The following MDM1 variants were observed in gnomAD, a reference collection of about 807,000 sequenced individuals.
MDM1 encodes Mdm1 nuclear protein.
Under a neutral mutation model 89.1 loss-of-function variants are expected in MDM1, and 61 were observed. That is an observed-to-expected ratio of 0.68 (90% CI 0.56 to 0.85). The LOEUF is 0.85. Ranked by LOEUF, MDM1 falls within the 40% of genes least tolerant of loss-of-function variation. MDM1 has a pLI of 0.00. For synonymous variants in MDM1, 290 were observed against 294.1 expected (o/e 0.99, Z 0.14); for missense variants, 820 against 846.5 (o/e 0.97, Z 0.39).
intron 12 of MDM1, among the ~76,000 whole-genome samples, chr12:68,304,673 A>T (rs960756538): frequency 3.3e-5 from 5 of 152,160 alleles, no homozygotes; most frequent in Non-Finnish European, 7.3e-5. Context: ...CCGGAAAGAA[A>T]CCTGTAAAAT....
At chr12:68,315,666 C>G (rs1356629495) in intron 9 of MDM1, among the ~76,000 whole-genome samples, 1 of 152,182 alleles carries the variant, frequency 6.6e-6, no homozygotes, top group Non-Finnish European at 1.5e-5. Context: ...GCAGAGCGCT[C>G]TTCCATAAAA....
chr12:68,323,192 C>A lies in MDM1; in HGVS notation c.682G>T (p.Val228Phe). 6.2e-7 allele frequency: 1 copy of A among 1,608,254 alleles called. No homozygotes were observed. The highest frequency in any genetic ancestry group is 1.1e-5 in the South Asian group (1 of 89,540). Residue 228 changes from valine (V) to phenylalanine (F), a missense_variant, in exon 5 of 15, where the codon GTC (valine) becomes TTC (phenylalanine). Transcript: ENST00000682720. ...QFVPPFKGNS[V>F]IHETEYKRNF... ...CTTTTGTATTCAGTTTCATGGATGA[C>A]TGAGTTACCTTTGAATGGTGGAACA...
In MDM1 at chr12:68,332,209, C is replaced by T. The variant is rs775017084; in HGVS notation, c.18+19G>A. The stretch of plus-strand genomic sequence containing the variant: ...TGGCTCCCCCCAGCCACATTCCGGC[C>T]CGGGGACCCCAGCCTCACCTTGAAG... On this transcript the variant is annotated intron_variant, in intron 1 of 14. Coordinates refer to ENST00000682720, the MANE Select transcript of MDM1 (RefSeq NM_001354969.2). 7 of 1,555,154 alleles carry T rather than the reference C, an allele frequency of 4.5e-6. No individual in the cohort carries two copies. The Admixed American group carries it at 1.3e-4, about 30-fold the overall frequency.
Position 68,325,493 on chromosome 12 carries a change from T to C in MDM1, c.581A>G (p.Gln194Arg). The change falls in exon 4 of 15, where the codon CAG becomes CGG. Residue 194 changes from glutamine to arginine, a missense_variant. Physicochemically the swap from Gln to Arg is conservative, Grantham distance 43. Transcript: ENST00000682720. ...TTCTTTAGAAGTCTTCCAAACAAAC[T>C]GCCTTTGATATTCAGAATTTCTCAA... ...NALRNSEYQRQFVWKTSKETA... is the reference protein window; with the variant it reads ...NALRNSEYQRRFVWKTSKETA... 6.3e-7 allele frequency: 1 copy of C among 1,598,754 alleles called. No individual in the cohort carries two copies. The highest frequency in any genetic ancestry group is 1.3e-5 in the African/African-American group (1 of 74,566).
At chr12:68,302,989 AATTT>A in intron 12 of MDM1, 117 bp from the exon 13 acceptor site, 34 of 805,966 alleles carry the variant, frequency 4.2e-5, no homozygotes, top group East Asian at 8.4e-5. Flanking sequence ...AATATGAGAG[AATTT>A]ATGCAACATC....
At position 68,295,331 on chromosome 12, in the gene MDM1, C is replaced by T; in HGVS notation, c.2098G>A (p.Ala700Thr). ...DRLSEISARS[A>T]ASSLRAFQTL... The stretch of plus-strand genomic sequence containing the variant: ...TGAAAAGCCCGGAGACTAGAAGCTG[C>T]AGAGCGAGCAGAAATCTCAGACAAT... The change falls in exon 15 of 15, where the codon GCA becomes ACA. Residue 700 changes from alanine to threonine, a missense_variant. Physicochemically the swap from Ala to Thr is moderately conservative, Grantham distance 58. Transcript: ENST00000682720. 1.2e-6 allele frequency: 2 copies of T among 1,612,858 alleles called. No homozygotes were observed. Among genetic ancestry groups the T allele is most frequent in the Non-Finnish European group, 1.7e-6 (2 of 1,179,408 alleles).
At chr12:68,330,978 G>A in intron 2 of MDM1, 129 bp downstream of exon 2, 1 of 644,998 alleles carries the variant, frequency 1.6e-6, no homozygotes, top group Non-Finnish European at 2.8e-6. Flanking sequence ...AAATCAACCA[G>A]GCCAACTGAA....
At chr12:68,317,105 TG>T (rs1469854602) in intron 7 of MDM1, among the ~76,000 whole-genome samples, 2 of 152,076 alleles carry the variant, frequency 1.3e-5, no homozygotes, top group Non-Finnish European at 2.9e-5. Flanking sequence ...AATTGCAATG[TG>T]TTCAACAAAG....
chr12:68,328,487 T>C (rs527866242), intron 2 of MDM1, among the ~76,000 whole-genome samples: 2 of 152,304 alleles, frequency 1.3e-5, no homozygotes, highest in South Asian at 4.1e-4. Context: ...CCAGAGTTTT[T>C]ACAAAATATA....
chr12:68,316,750 A>G, intron 7 of MDM1, 140 bp from the exon 8 acceptor site: 1 of 707,124 alleles, frequency 1.4e-6, no homozygotes, highest in Non-Finnish European at 2.3e-6. Flanking sequence ...ATTTTTAGTA[A>G]TTAGTTCAGT....
intron 14 of MDM1, among the ~76,000 whole-genome samples, chr12:68,296,031 C>T (rs1336163048): frequency 2.6e-5 from 4 of 152,046 alleles, no homozygotes; most frequent in Non-Finnish European, 5.9e-5. Flanking sequence ...ACCTGCTAAA[C>T]GGAAAGAAAG....
intron 7 of MDM1, chr12:68,321,060 AT>A (rs1875156678): frequency 3.7e-6 from 1 of 271,722 alleles, no homozygotes; most frequent in East Asian, 7.0e-5. Flanking sequence ...AATCGAATCT[AT>A]AATGATACAA....
intron 5 of MDM1, among the ~76,000 whole-genome samples, 159 bp downstream of exon 5, chr12:68,322,914 T>C (rs1875423047): frequency 6.6e-6 from 1 of 152,194 alleles, no homozygotes; most frequent in African/African-American, 2.4e-5. Context: ...TACCAACCCA[T>C]GTCTGCTCCT....
At chr12:68,327,338 T>C in intron 2 of MDM1, 1 of 1,516,072 alleles carries the variant, frequency 6.6e-7, no homozygotes. Context: ...GGCCAGGCAG[T>C]ACATGCTGCC....
intron 13 of MDM1, among the ~76,000 whole-genome samples, chr12:68,297,495 T>C (rs1410038726): frequency 6.6e-6 from 1 of 152,180 alleles, no homozygotes; most frequent in Non-Finnish European, 1.5e-5. Flanking sequence ...ACAACCAACT[T>C]GTTCCCCTGA....
At chr12:68,316,980 T>C (rs923074773) in intron 7 of MDM1, among the ~76,000 whole-genome samples, 4 of 152,150 alleles carry the variant, frequency 2.6e-5, no homozygotes, top group African/African-American at 9.7e-5. Flanking sequence ...AATGAGGTTA[T>C]GAGGCTTCCC....
chr12:68,302,468 A>C (rs1428215903), intron 13 of MDM1, 152 bp downstream of exon 13: 1 of 670,968 alleles, frequency 1.5e-6, no homozygotes. Context: ...GGTCCCAAGG[A>C]GGGAGTTTTC....
At chr12:68,304,694 G>A (rs1170598661) in intron 12 of MDM1, among the ~76,000 whole-genome samples, 1 of 152,068 alleles carries the variant, frequency 6.6e-6, no homozygotes, top group African/African-American at 2.4e-5. Flanking sequence ...AAAAGACATG[G>A]GGTTCCCAGG....
At position 68,302,805 on chromosome 12, in the gene MDM1, G is replaced by A. The variant is rs1872366195; in HGVS notation, c.1817C>T (p.Pro606Leu). ...ATTGTCTTCAGAATCTTCCCGCAAA[G>A]GCAGAGGATCAACTGTTTTTATACC... ...AAGIKTVDPLPLREDSEDNIH... is the reference protein window; with the variant it reads ...AAGIKTVDPLLLREDSEDNIH... The change falls in exon 13 of 15, where the codon CCT (proline) becomes CTT (leucine). Residue 606 changes from proline (P) to leucine (L), a missense_variant. Transcript: ENST00000682720. The A allele has an allele frequency of 6.2e-7, 1 of 1,612,262 alleles. No homozygotes were observed. Among genetic ancestry groups the A allele is most frequent in the African/African-American group, 1.3e-5 (1 of 74,222 alleles).
Sources: allele counts gnomAD v4.1 joint callset (sites outside exome capture counted in the v4.1 genomes callset), GRCh38; gene constraint gnomAD v4.1.1; transcripts MANE v1.5; gene names NCBI Gene and HGNC (gene_info 2026-07-23, HGNC 2026-07-21).